Variants in SLC1A7 observed in about 807,000 individuals in gnomAD.
SLC1A7 encodes solute carrier family 1 member 7.
Under a neutral mutation model 47.7 loss-of-function variants are expected in SLC1A7, and 40 were observed. The ratio of observed to expected loss-of-function variants is 0.84; its 90% CI spans 0.65 to 1.09. The LOEUF (loss-of-function observed/expected upper bound fraction) is 1.09, where lower values mean the gene tolerates loss of function less well. Ranked by LOEUF, SLC1A7 falls within the 50% of genes least tolerant of loss-of-function variation. The pLI, the probability that SLC1A7 is intolerant of heterozygous loss-of-function variation, is 0.00. For missense variants in SLC1A7, 746 were observed against 769.5 expected (o/e 0.97, Z 0.36); for synonymous variants, 323 against 325.6 (o/e 0.99, Z 0.09).
intron 2 of SLC1A7, chr1:53,115,793 G>T (rs909662184): frequency 6.6e-6 from 1 of 152,232 alleles, no homozygotes; most frequent in African/African-American, 2.4e-5. Flanking sequence ...CTCTCCTCTC[G>T]GCTCCTCCCC....
At chr1:53,095,577 C>G (rs1352145227) in intron 5 of SLC1A7, among the ~76,000 whole-genome samples, 5 of 148,282 alleles carry the variant, frequency 3.4e-5, no homozygotes, top group Non-Finnish European at 7.5e-5. Context: ...CACCCTGCCT[C>G]GATACACTCA....
Position 53,088,002 on chromosome 1 carries a change from C to T in SLC1A7, c.*7G>A, listed in dbSNP as rs182613913. 683 of 1,477,088 alleles carry T rather than the reference C, an allele frequency of 4.6e-4. 3 individuals are homozygous for T. In the Middle Eastern group the frequency reaches 5.1e-3, roughly 11 times the overall value. The allele number at this position is 1,477,088 out of a possible 1,614,324, so 91.5% of individuals were successfully genotyped here. A position where few individuals can be genotyped will look rare whatever the true frequency, so the allele number is the denominator to read the frequency against. On this transcript the variant is annotated 3_prime_UTR_variant, in exon 11 of 11. Coordinates refer to ENST00000371494, the MANE Select transcript of SLC1A7 (RefSeq NM_006671.6). ...GAGGCCTCGCCTGCCCCTGCAGCTC[C>T]GCAGGCTCAGACATTGGTCTCCAGC...
At chr1:53,103,178 G>T (rs1422670217) in intron 5 of SLC1A7, 168 bp downstream of exon 5, 20 of 559,616 alleles carry the variant, frequency 3.6e-5, no homozygotes, top group African/African-American at 6.3e-5. Context: ...GGGGTGGGGT[G>T]GGGAGGCGAA....
intron 5 of SLC1A7, among the ~76,000 whole-genome samples, chr1:53,098,271 T>C (rs1644524173): frequency 7.2e-6 from 1 of 138,390 alleles, no homozygotes; most frequent in African/African-American, 2.7e-5. Flanking sequence ...ACACTCACAC[T>C]GCCTTGGTAG....
intron 5 of SLC1A7, 78 bp from the exon 6 acceptor site, chr1:53,093,638 T>C (rs11206091): frequency 0.84 from 921,447 of 1,099,262 alleles, 387,831 homozygotes; most frequent in East Asian, 0.96. Flanking sequence ...ATGGCTGGCT[T>C]CCCAGCAGCC....
At position 53,117,464 on chromosome 1, in the gene SLC1A7, C is replaced by A. The variant is rs1644774021; in HGVS notation, c.216-2491G>T. Among the ~76,000 whole-genome samples, 5 of 152,296 alleles carry A rather than the reference C, an allele frequency of 3.3e-5. No homozygotes were observed. The South Asian group carries it at 1.0e-3, about 32-fold the overall frequency. ...GAAGTAGTACTTGTAAGATCAAAAACCTGACCTAAGAACTCACCAATGCAG... is the reference window on the plus strand; with the variant it reads ...GAAGTAGTACTTGTAAGATCAAAAAACTGACCTAAGAACTCACCAATGCAG... On this transcript the variant is annotated intron_variant, in intron 2 of 10. Coordinates refer to ENST00000371494, the MANE Select transcript of SLC1A7 (RefSeq NM_006671.6).
chr1:53,139,048 C>T (rs995480222), intron 1 of SLC1A7, among the ~76,000 whole-genome samples: 2 of 152,158 alleles, frequency 1.3e-5, no homozygotes, highest in East Asian at 1.9e-4. Flanking sequence ...CTTTTCTCTT[C>T]GTTTACTCTG....
chr1:53,130,061 T>C (rs1356610611), intron 2 of SLC1A7, among the ~76,000 whole-genome samples: 2 of 152,144 alleles, frequency 1.3e-5, no homozygotes, highest in East Asian at 1.9e-4. Context: ...CTGTCCCCCA[T>C]TGTGTGGCAT....
At chr1:53,133,327 A>T (rs947366806) in intron 2 of SLC1A7, among the ~76,000 whole-genome samples, 1 of 152,224 alleles carries the variant, frequency 6.6e-6, no homozygotes, top group African/African-American at 2.4e-5. Context: ...GGGAGGTAGC[A>T]TTTCAGCAGA....
intron 2 of SLC1A7, among the ~76,000 whole-genome samples, chr1:53,124,631 C>CCA (rs1644861525): frequency 2.0e-5 from 3 of 150,576 alleles, no homozygotes; most frequent in Admixed American, 2.0e-4. Flanking sequence ...CCATAATGGG[C>CCA]CACACACACA....
intron 6 of SLC1A7, 31 bp from the exon 7 acceptor site, chr1:53,092,818 A>G (rs766106047): frequency 4.1e-6 from 6 of 1,463,446 alleles, no homozygotes; most frequent in Admixed American, 1.7e-5. Context: ...AGGCTCAGGA[A>G]CCAGGCAGGC....
chr1:53,120,942 C>T (rs1644813418), intron 2 of SLC1A7, among the ~76,000 whole-genome samples: 1 of 152,264 alleles, frequency 6.6e-6, no homozygotes, highest in Non-Finnish European at 1.5e-5. Flanking sequence ...TCACTGCGAG[C>T]CCTTGGGCAT....
chr1:53,090,558 C>G, intron 8 of SLC1A7, 54 bp downstream of exon 8: 1 of 1,484,770 alleles, frequency 6.7e-7, no homozygotes, highest in Non-Finnish European at 9.0e-7. Flanking sequence ...GCCTGGGAAT[C>G]CCCAAGGCCC....
At chr1:53,129,442 G>GC (rs1422514789) in intron 2 of SLC1A7, among the ~76,000 whole-genome samples, 2 of 151,434 alleles carry the variant, frequency 1.3e-5, no homozygotes, top group African/African-American at 4.9e-5. Context: ...CATGCTTCCT[G>GC]CTCCCCCGCC....
At chr1:53,104,758 C>G (rs952468149) in intron 4 of SLC1A7, among the ~76,000 whole-genome samples, 4 of 152,228 alleles carry the variant, frequency 2.6e-5, no homozygotes, top group Admixed American at 2.6e-4. Context: ...CCAGGCTCAA[C>G]ACAGGGCCCA....
At chr1:53,134,282 A>T (rs1644969236) in intron 2 of SLC1A7, 68 bp downstream of exon 2, 8 of 1,130,518 alleles carry the variant, frequency 7.1e-6, no homozygotes, top group Non-Finnish European at 9.2e-6. Flanking sequence ...CAGCAGGAGC[A>T]GGGCAGCAAC....
chr1:53,114,899 A>G lies in SLC1A7; in HGVS notation c.290T>C (p.Leu97Pro). ...GATGACAGCCATGAAGGTGGTCCAC[A>G]GGTAGTACGCCACGGTGAGGACGCC... ...RLGVLTVAYY[L>P]WTTFMAVIVG... Residue 97 changes from leucine (L) to proline (P), a missense_variant, in exon 3 of 11, where the codon CTG (leucine) becomes CCG (proline). Physicochemically the swap from Leu to Pro is moderately conservative, Grantham distance 98 (BLOSUM62 -3). Transcript: ENST00000371494. 2.5e-6 allele frequency: 4 copies of G among 1,614,176 alleles called. No individual in the cohort carries two copies. Among genetic ancestry groups the G allele is most frequent in the Non-Finnish European group, 3.4e-6 (4 of 1,180,006 alleles).
intron 1 of SLC1A7, among the ~76,000 whole-genome samples, chr1:53,138,607 A>G (rs1202120314): frequency 6.6e-6 from 1 of 151,476 alleles, no homozygotes; most frequent in Non-Finnish European, 1.5e-5. Flanking sequence ...GGGTCAGGCA[A>G]TCCACCCGCC....
chr1:53,112,956 T>A (rs952757991), intron 3 of SLC1A7, among the ~76,000 whole-genome samples: 3 of 152,050 alleles, frequency 2.0e-5, no homozygotes, highest in African/African-American at 7.2e-5. Context: ...CCTCTCCCAG[T>A]CTGGGCAGCC....
Sources: gnomAD v4.1 joint callset for allele counts (sites outside exome capture counted in the v4.1 genomes callset) on GRCh38, gnomAD v4.1.1 for gene constraint, MANE v1.5 for transcripts, NCBI Gene and HGNC (gene_info 2026-07-23, HGNC 2026-07-21) for gene names.